IL18RAP: variants seen among roughly 807,000 people sequenced by gnomAD.
The protein encoded by IL18RAP is interleukin-18 receptor accessory protein.
Under a neutral mutation model 58.1 loss-of-function variants are expected in IL18RAP, and 37 were observed. That is an observed-to-expected ratio of 0.64 (90% CI 0.49 to 0.84). The LOEUF is 0.84. IL18RAP is among the 40% of genes least tolerant of loss of function. The pLI is 0.00. For synonymous variants in IL18RAP, 268 were observed against 257.5 expected (o/e 1.04, Z -0.39); for missense variants, 667 against 704.8 (o/e 0.95, Z 0.61).
In IL18RAP at chr2:102,441,304, T is replaced by A. The variant is rs1471475316; in HGVS notation, c.731-8T>A. The stretch of plus-strand genomic sequence containing the variant: ...ATGCAAATAGTAATCTTTGTTTTCA[T>A]CTTTCAGTGGGAGACACTAAACTCA... On this transcript the variant is annotated splice_region_variant and splice_polypyrimidine_tract_variant and intron_variant, in intron 4 of 9. Coordinates refer to ENST00000687160, the MANE Select transcript of IL18RAP (RefSeq NM_001393487.1). The A allele has an allele frequency of 6.2e-7, 1 of 1,611,092 alleles. No individual in the cohort carries two copies. Among genetic ancestry groups the A allele is most frequent in the Admixed American group, 1.7e-5 (1 of 59,980 alleles).
intron 4 of IL18RAP, chr2:102,439,554 G>C (rs1682971208): frequency 1.3e-5 from 2 of 152,108 alleles, no homozygotes; most frequent in Non-Finnish European, 2.9e-5. Context: ...CCATGCCTCT[G>C]CTTGTGCTGT....
chr2:102,449,537 G>A (rs894604925), intron 8 of IL18RAP, among the ~76,000 whole-genome samples: 1 of 152,112 alleles, frequency 6.6e-6, no homozygotes, highest in Non-Finnish European at 1.5e-5. Flanking sequence ...CAGATCTGGA[G>A]GCAGAATCCA....
In IL18RAP at chr2:102,423,950, C is replaced by A; in HGVS notation, c.210C>A (p.His70Gln). The change falls in exon 2 of 10, where the codon CAC (histidine) becomes CAA (glutamine). Residue 70 changes from histidine to glutamine, a missense_variant. By Grantham distance (24) the His-to-Gln change is conservative. Transcript: ENST00000687160. Reference sequence around the variant, plus strand: ...TCTCACCAAAACAAGTCCCTGAGCACCTGCCCTTCATGGGTAGTAACGACC... The same window carrying A: ...TCTCACCAAAACAAGTCCCTGAGCAACTGCCCTTCATGGGTAGTAACGACC... ...NRLSPKQVPEHLPFMGSNDLS... is the reference protein window; with the variant it reads ...NRLSPKQVPEQLPFMGSNDLS... 6.2e-7 allele frequency: 1 copy of A among 1,614,100 alleles called. No individual in the cohort carries two copies. The highest frequency in any genetic ancestry group is 8.5e-7 in the Non-Finnish European group (1 of 1,180,010).
At chr2:102,427,975 G>A (rs1021898964) in intron 3 of IL18RAP, among the ~76,000 whole-genome samples, 15 of 129,046 alleles carry the variant, frequency 1.2e-4, no homozygotes, top group African/African-American at 3.9e-4. Flanking sequence ...GTGTGTTCTT[G>A]GCATCTTTTT....
chr2:102,445,690 C>G lies in IL18RAP; in HGVS notation c.1072+350C>G, dbSNP rs73944323. 3.8e-3 allele frequency among the ~76,000 whole-genome samples: 586 copies of G among 152,246 alleles called. 6 individuals are homozygous for G. Among genetic ancestry groups the G allele is most frequent in the African/African-American group, 0.013 (554 of 41,554 alleles). On this transcript the variant is annotated intron_variant, in intron 7 of 9. Transcript: ENST00000687160. ...ATTGTGCTAAGACCTAGCCTCCTTT[C>G]CAATTTTTCTTTCCTGGCTTTCAAA...
chr2:102,451,485 G>C (rs973693989), intron 9 of IL18RAP, among the ~76,000 whole-genome samples: 1 of 152,202 alleles, frequency 6.6e-6, no homozygotes, highest in African/African-American at 2.4e-5. Context: ...AGGAGCCTGG[G>C]ATGTTCCATG....
chr2:102,442,308 T>A (rs1320413293), intron 5 of IL18RAP, among the ~76,000 whole-genome samples: 1 of 151,696 alleles, frequency 6.6e-6, no homozygotes, highest in African/African-American at 2.4e-5. Flanking sequence ...ATAAATTTTT[T>A]TATTATTATT....
At chr2:102,425,164 T>A (rs1475548238) in intron 3 of IL18RAP, among the ~76,000 whole-genome samples, 1 of 152,204 alleles carries the variant, frequency 6.6e-6, no homozygotes, top group Non-Finnish European at 1.5e-5. Context: ...ACAATTGCAA[T>A]AACTATTTGA....
At position 102,423,251 on chromosome 2, in the gene IL18RAP, G is replaced by A. The variant is rs764155808; in HGVS notation, c.-27G>A. ...CTCTGGCAAAGGAATGAAGTTATTG[G>A]AGTGATGACAGGAACACGGGAGAAC... On this transcript the variant is annotated 5_prime_UTR_variant, in exon 1 of 10. Coordinates refer to ENST00000687160, the MANE Select transcript of IL18RAP (RefSeq NM_001393487.1). 1 of 1,609,190 alleles carries A rather than the reference G, an allele frequency of 6.2e-7. No individual in the cohort carries two copies. The highest frequency in any genetic ancestry group is 1.1e-5 in the South Asian group (1 of 90,996).
At chr2:102,442,691 T>C (rs1238611103) in intron 5 of IL18RAP, among the ~76,000 whole-genome samples, 2 of 152,236 alleles carry the variant, frequency 1.3e-5, no homozygotes, top group South Asian at 2.1e-4. Context: ...AGTCTCATAA[T>C]ATGCATGCCC....
At chr2:102,419,755 C>A (rs887787313), upstream of IL18RAP, 2 of 152,284 alleles carry the variant, frequency 1.3e-5, no homozygotes, top group African/African-American at 2.4e-5. Context: ...AGCTTTGAGA[C>A]CCTCTACACC....
chr2:102,429,978 G>A (rs1329975805), intron 3 of IL18RAP, among the ~76,000 whole-genome samples: 1 of 151,908 alleles, frequency 6.6e-6, no homozygotes. Flanking sequence ...TTATCTTGTA[G>A]CTGAACGTAT....
upstream of IL18RAP, among the ~76,000 whole-genome samples, chr2:102,421,843 C>T (rs1310740042): frequency 6.6e-6 from 1 of 152,180 alleles, no homozygotes; most frequent in African/African-American, 2.4e-5. Flanking sequence ...CATGGTTCTA[C>T]CTGCCTCTTG....
At chr2:102,440,237 A>G in intron 4 of IL18RAP, 1 of 152,618 alleles carries the variant, frequency 6.6e-6, no homozygotes, top group Non-Finnish European at 1.5e-5. Flanking sequence ...GGCACAGAGA[A>G]GTGAATATAG....
At chr2:102,450,659 G>A (rs966971778) in intron 8 of IL18RAP, among the ~76,000 whole-genome samples, 189 bp from the exon 9 acceptor site, 19 of 152,104 alleles carry the variant, frequency 1.2e-4, no homozygotes, top group African/African-American at 4.6e-4. Flanking sequence ...ATTAGAATTC[G>A]ATTTGGGGTG....
intron 3 of IL18RAP, among the ~76,000 whole-genome samples, chr2:102,424,620 A>C (rs1205640688): frequency 6.6e-6 from 1 of 152,198 alleles, no homozygotes; most frequent in African/African-American, 2.4e-5. Flanking sequence ...TATTAGAGGC[A>C]TCCTTTTGAT....
rs371606134 is a variant in IL18RAP, at chr2:102,451,841, A to G, written c.1460A>G (p.Asn487Ser). Residue 487 changes from asparagine to serine, a missense_variant, in exon 10 of 10, where the codon AAT becomes AGT. Transcript: ENST00000687160. ...GIFILSPNYV[N>S]GPSIFELQAA... ...TTTATCTTGAGCCCCAACTATGTCA[A>G]TGGACCCAGTATCTTTGAACTACAA... 256 of 1,614,032 alleles carry G rather than the reference A, an allele frequency of 1.6e-4. No homozygotes were observed. The highest frequency in any genetic ancestry group is 2.1e-4 in the Non-Finnish European group (244 of 1,179,980).
In IL18RAP at chr2:102,423,262, G is replaced by A. The variant is rs757167162; in HGVS notation, c.-16G>A. On this transcript the variant is annotated 5_prime_UTR_variant, in exon 1 of 10. Transcript: ENST00000687160. ...GAATGAAGTTATTGGAGTGATGACA[G>A]GAACACGGGAGAACAATGCTCTGTT... 15 of 1,613,444 alleles carry A rather than the reference G, an allele frequency of 9.3e-6. No homozygotes were observed. In the South Asian group the frequency reaches 1.5e-4, roughly 17 times the overall value.
chr2:102,425,379 A>G (rs1050858821), intron 3 of IL18RAP, among the ~76,000 whole-genome samples: 2 of 152,160 alleles, frequency 1.3e-5, no homozygotes, highest in Non-Finnish European at 2.9e-5. Context: ...ACATTTCCCT[A>G]CTTGATTCCT....
Sources: gnomAD v4.1 joint callset for allele counts (sites outside exome capture counted in the v4.1 genomes callset) on GRCh38, gnomAD v4.1.1 for gene constraint, MANE v1.5 for transcripts, NCBI Gene and HGNC (gene_info 2026-07-23, HGNC 2026-07-21) for gene names.